Variants in CNKSR3 observed in about 807,000 individuals in gnomAD.
CNKSR3 encodes CNKSR family member 3.
CNKSR3 carries 36 observed loss-of-function variants against 67.7 expected under a neutral mutation model. The ratio of observed to expected loss-of-function variants is 0.53; its 90% CI spans 0.41 to 0.70. CNKSR3 has a LOEUF of 0.70. Among genes scored for constraint, CNKSR3 ranks in the 30% least tolerant of loss-of-function variants. The probability of loss-of-function intolerance (pLI) is 0.00; values close to 1 mark genes in which losing one functional copy is unlikely to be tolerated. For missense variants in CNKSR3, 630 were observed against 695.2 expected (o/e 0.91, Z 1.05); for synonymous variants, 281 against 271.4 (o/e 1.04, Z -0.35).
intron 1 of CNKSR3, among the ~76,000 whole-genome samples, chr6:154,508,056 TTATCA>T (rs1190721644): frequency 6.6e-6 from 1 of 152,184 alleles, no homozygotes; most frequent in Non-Finnish European, 1.5e-5. Flanking sequence ...TGATTGTACA[TTATCA>T]ACTAAGCTGG....
At chr6:154,453,914 G>T (rs1785892186) in intron 1 of CNKSR3, among the ~76,000 whole-genome samples, 1 of 152,018 alleles carries the variant, frequency 6.6e-6, no homozygotes, top group Non-Finnish European at 1.5e-5. Context: ...AGTAAAATTA[G>T]ATTAAACACA....
At chr6:154,497,403 AAGAGAG>A (rs143796696) in intron 1 of CNKSR3, among the ~76,000 whole-genome samples, 2 of 150,486 alleles carry the variant, frequency 1.3e-5, no homozygotes, top group Non-Finnish European at 3.0e-5. Flanking sequence ...AAACGAGAGA[AAGAGAG>A]AGAGAGAGAG....
Position 154,401,700 on chromosome 6 carries a change from T to C in CNKSR3, c.*4654A>G, listed in dbSNP as rs1441563811. On this transcript the variant is annotated 3_prime_UTR_variant, in exon 13 of 13. Transcript: ENST00000607772. ...CCACGGAAATGATGCAGTGATTTTATGCACAAGGGTAGGAGCAAAATGTGA... is the reference window on the plus strand; with the variant it reads ...CCACGGAAATGATGCAGTGATTTTACGCACAAGGGTAGGAGCAAAATGTGA... 1 of 152,254 alleles carries C rather than the reference T, an allele frequency of 6.6e-6. No individual in the cohort carries two copies. The highest frequency in any genetic ancestry group is 1.5e-5 in the Non-Finnish European group (1 of 68,048). 9.4% of individuals were successfully genotyped at this position (152,254 alleles called of 1,614,324 possible).
intron 5 of CNKSR3, among the ~76,000 whole-genome samples, chr6:154,431,498 C>T (rs1470020335): frequency 6.7e-6 from 1 of 149,316 alleles, no homozygotes; most frequent in East Asian, 2.0e-4. Context: ...TATTGAGACA[C>T]TATTATCAAC....
At chr6:154,435,931 C>T (rs12179877) in intron 4 of CNKSR3, among the ~76,000 whole-genome samples, 7,463 of 152,208 alleles carry the variant, frequency 0.049, 208 homozygotes, top group African/African-American at 0.074. Flanking sequence ...TGATGGCACG[C>T]GTCAAGTGTG....
chr6:154,477,763 A>T (rs566120294), intron 1 of CNKSR3, among the ~76,000 whole-genome samples: 3 of 152,274 alleles, frequency 2.0e-5, no homozygotes, highest in African/African-American at 7.2e-5. Context: ...CTCCCAATCA[A>T]TGTGCATGGA....
intron 1 of CNKSR3, among the ~76,000 whole-genome samples, chr6:154,465,378 A>G (rs1459368517): frequency 9.9e-5 from 15 of 152,198 alleles, no homozygotes; most frequent in Non-Finnish European, 4.4e-5. Context: ...TACACGTATA[A>G]TTACAGAAAA....
chr6:154,407,335 T>C (rs1308792795), intron 12 of CNKSR3, among the ~76,000 whole-genome samples: 1 of 152,160 alleles, frequency 6.6e-6, no homozygotes, highest in Non-Finnish European at 1.5e-5. Flanking sequence ...CTGCCCTAAC[T>C]GCCAGCAGAC....
chr6:154,461,008 A>G (rs1336334801), intron 1 of CNKSR3, among the ~76,000 whole-genome samples: 2 of 152,114 alleles, frequency 1.3e-5, no homozygotes, highest in Non-Finnish European at 2.9e-5. Context: ...CTCTCCCAAC[A>G]CTGCCATCAT....
intron 1 of CNKSR3, among the ~76,000 whole-genome samples, chr6:154,502,658 G>A (rs1787022700): frequency 2.0e-5 from 3 of 152,204 alleles, no homozygotes; most frequent in Admixed American, 6.5e-5. Flanking sequence ...CCTCCTCCAT[G>A]CTGCTCATCT....
At chr6:154,451,538 C>T (rs1230217347) in intron 1 of CNKSR3, among the ~76,000 whole-genome samples, 1 of 147,032 alleles carries the variant, frequency 6.8e-6, no homozygotes, top group African/African-American at 2.5e-5. Context: ...CACACGCACA[C>T]GCACAGATGC....
rs977989019 is a variant in CNKSR3 at position 154,442,110 on chromosome 6, C to T, written c.397G>A (p.Ala133Thr). The change falls in exon 3 of 13, where the codon GCC becomes ACC. Residue 133 changes from alanine to threonine, a missense_variant. Around this residue, in one of 3 missense-constraint regions of CNKSR3, gnomAD observed 189 missense variants for 205.0 expected, o/e 0.92. Transcript: ENST00000607772. ...SVVELIGAAKALLAWLDRAPF... is the reference protein window; with the variant it reads ...SVVELIGAAKTLLAWLDRAPF... ...TACCGGTCCAGCCACGCCAGCAGGG[C>T]CTTGGCGGCGCCGATGAGCTCCACC... 1.9e-6 allele frequency: 3 copies of T among 1,609,972 alleles called. No individual in the cohort carries two copies. Among genetic ancestry groups the T allele is most frequent in the South Asian group, 2.2e-5 (2 of 90,876 alleles).
intron 1 of CNKSR3, among the ~76,000 whole-genome samples, chr6:154,503,549 G>A (rs1787038933): frequency 6.6e-6 from 1 of 151,230 alleles, no homozygotes; most frequent in Non-Finnish European, 1.5e-5. Flanking sequence ...GATCACTCAA[G>A]CCTCAAGCCC....
At chr6:154,484,833 G>GA (rs112191086) in intron 1 of CNKSR3, among the ~76,000 whole-genome samples, 40,556 of 151,928 alleles carry the variant, frequency 0.27, 5,666 homozygotes, top group Non-Finnish European at 0.3. Context: ...GGATGGAGGC[G>GA]AAGCTTCTTT....
rs770756424 is a variant in CNKSR3, at chr6:154,510,154, G to A, written c.-40C>T. ...CCTCTCGCTGGGCTGGAGAGTCGCAGATAAAGTGCTGCTGCCTGCGCTCCG... is the reference window on the plus strand; with the variant it reads ...CCTCTCGCTGGGCTGGAGAGTCGCAAATAAAGTGCTGCTGCCTGCGCTCCG... On this transcript the variant is annotated 5_prime_UTR_variant, in exon 1 of 13. Transcript: ENST00000607772. The A allele has an allele frequency of 3.7e-6, 6 of 1,612,576 alleles. No homozygotes were observed. The African/African-American group carries it at 8.0e-5, about 22-fold the overall frequency.
chr6:154,486,454 G>A (rs1485286844), intron 1 of CNKSR3, among the ~76,000 whole-genome samples: 52 of 145,548 alleles, frequency 3.6e-4, no homozygotes, highest in African/African-American at 1.2e-3. Flanking sequence ...GGGCCACCAC[G>A]CCCAGCTAAT....
rs977133834 is a variant in CNKSR3, at chr6:154,404,604, G to T, written c.*1750C>A. The T allele has an allele frequency of 6.6e-6, 1 of 152,272 alleles. No individual in the cohort carries two copies. 9.4% of individuals were successfully genotyped at this position (152,272 alleles called of 1,614,324 possible). A position where few individuals can be genotyped will look rare whatever the true frequency, so the allele number is the denominator to read the frequency against. On this transcript the variant is annotated 3_prime_UTR_variant, in exon 13 of 13. Transcript: ENST00000607772. ...CCCAGCACTTTGGGAGGCTGAGGCC[G>T]GCAGATCAGTTGAGGTTGGGAGTTT...
intron 1 of CNKSR3, among the ~76,000 whole-genome samples, chr6:154,470,009 G>A (rs1001469106): frequency 6.6e-6 from 1 of 150,730 alleles, no homozygotes; most frequent in Non-Finnish European, 1.5e-5. Context: ...TTTCCAGTAC[G>A]TTTACTGAAA....
chr6:154,406,754 G>A, intron 12 of CNKSR3, 102 bp from the exon 13 acceptor site: 1 of 995,032 alleles, frequency 1.0e-6, no homozygotes, highest in Non-Finnish European at 1.5e-6. Flanking sequence ...TGGATCACGA[G>A]GTCAAGAGAT....
Sources: gnomAD v4.1 joint callset for allele counts (sites outside exome capture counted in the v4.1 genomes callset) on GRCh38, gnomAD v4.1.1 for gene constraint, gnomAD v4.1.1 regional missense constraint, MANE v1.5 for transcripts, NCBI Gene and HGNC (gene_info 2026-07-23, HGNC 2026-07-21) for gene names.